ARHGAP6: variants seen among roughly 807,000 people sequenced by gnomAD.
ARHGAP6 encodes rho GTPase-activating protein 6.
ARHGAP6 carries 16 observed loss-of-function variants against 55.7 expected under a neutral mutation model. The observed-to-expected ratio is 0.29, with a 90% confidence interval of 0.19 to 0.44. ARHGAP6 has a LOEUF of 0.44. Among genes scored for constraint, ARHGAP6 ranks in the 20% least tolerant of loss-of-function variants. The pLI, the probability that ARHGAP6 is intolerant of heterozygous loss-of-function variation, is 1.00. For synonymous variants in ARHGAP6, 382 were observed against 360.9 expected (o/e 1.06, Z -0.66); for missense variants, 698 against 808.9 (o/e 0.86, Z 1.66).
intron 1 of ARHGAP6, among the ~76,000 whole-genome samples, chrX:11,490,968 G>A (rs753774466): frequency 8.9e-6 from 1 of 112,093 alleles, no homozygotes; most frequent in Non-Finnish European, 1.9e-5. Context: ...AATGGTGAAG[G>A]GTGAGAATGA....
intron 1 of ARHGAP6, chrX:11,367,867 G>C (rs935571450): frequency 2.2e-4 from 146 of 672,926 alleles, no homozygotes; most frequent in Non-Finnish European, 2.5e-4. Context: ...GAGTCAGTTG[G>C]CAAAGCAACA....
chrX:11,365,523 C>A (rs1279220735), intron 1 of ARHGAP6, among the ~76,000 whole-genome samples: 1 of 112,271 alleles, frequency 8.9e-6, no homozygotes, highest in African/African-American at 3.2e-5. Context: ...CAAAATATAT[C>A]TTGATTAATG....
At chrX:11,304,175 C>T (rs1295389576) in intron 1 of ARHGAP6, among the ~76,000 whole-genome samples, 5 of 110,177 alleles carry the variant, frequency 4.5e-5, no homozygotes, top group Non-Finnish European at 7.6e-5. Flanking sequence ...CTGCAACTTC[C>T]GCCTCCTGGG....
At chrX:11,565,491 C>A (rs941895405) in intron 1 of ARHGAP6, among the ~76,000 whole-genome samples, 13 of 112,271 alleles carry the variant, frequency 1.2e-4, no homozygotes, top group Non-Finnish European at 1.9e-4. Flanking sequence ...TGAGCTCACA[C>A]AAATGAGATA....
At chrX:11,264,440 G>C (rs970520986) in intron 1 of ARHGAP6, among the ~76,000 whole-genome samples, 2 of 111,650 alleles carry the variant, frequency 1.8e-5, no homozygotes, top group African/African-American at 3.3e-5. Flanking sequence ...CCTTTCCAGT[G>C]GTTAGCATAG....
chrX:11,182,143 C>T (rs191945019), intron 5 of ARHGAP6, 25 bp from the exon 6 acceptor site: 1 of 1,175,762 alleles, frequency 8.5e-7, no homozygotes, highest in Admixed American at 2.2e-5. Flanking sequence ...ACAAAATGAA[C>T]AGTCTTGTTT....
At chrX:11,453,248 TAATA>T (rs1157372049) in intron 1 of ARHGAP6, among the ~76,000 whole-genome samples, 1 of 100,230 alleles carries the variant, frequency 1.0e-5, no homozygotes, top group African/African-American at 3.6e-5. Flanking sequence ...TATATATACA[TAATA>T]TATATATAGT....
In ARHGAP6 at chrX:11,179,438, A is replaced by G; in HGVS notation, c.1344T>C (p.Phe448=). 2 of 1,208,841 alleles carry G rather than the reference A, an allele frequency of 1.7e-6. No homozygotes were observed. Among genetic ancestry groups the G allele is most frequent in the Non-Finnish European group, 2.2e-6 (2 of 894,426 alleles). ...CCAGAGAGACATCAATCCCACGGTC[A>G]AATTCCTCACGTAACTGGAAGAACA... ...KKRVRQLREE[F]DRGIDVSLEE... is the part of the protein sequence containing the mutation. Residue 448 remains phenylalanine, a synonymous_variant, in exon 7 of 13, where the codon TTT becomes TTC. Coordinates refer to ENST00000337414, the MANE Select transcript of ARHGAP6 (RefSeq NM_013427.3).
intron 1 of ARHGAP6, among the ~76,000 whole-genome samples, chrX:11,518,473 T>C (rs1274303480): frequency 2.0e-5 from 2 of 101,511 alleles, no homozygotes; most frequent in Non-Finnish European, 4.0e-5. Flanking sequence ...TTTTTTTTTT[T>C]TTTTTTTGAC....
intron 1 of ARHGAP6, among the ~76,000 whole-genome samples, chrX:11,547,997 C>T (rs976619833): frequency 9.0e-5 from 10 of 110,764 alleles, no homozygotes; most frequent in Non-Finnish European, 1.7e-4. Context: ...CTGGTTCCCA[C>T]TCTGGGCTGC....
intron 1 of ARHGAP6, among the ~76,000 whole-genome samples, chrX:11,622,971 T>G (rs1035985729): frequency 1.8e-5 from 2 of 112,055 alleles, no homozygotes; most frequent in Non-Finnish European, 3.8e-5. Context: ...CTTTACCATT[T>G]GCTGATAAAA....
In ARHGAP6 at chrX:11,554,501, A is replaced by G. The variant is rs148758197; in HGVS notation, c.588+109740T>C. On this transcript the variant is annotated intron_variant, in intron 1 of 12. Coordinates refer to ENST00000337414, the MANE Select transcript of ARHGAP6 (RefSeq NM_013427.3). ...ATGCTCGAGGTGATGGATACCCTAA[A>G]TACCCTGACTAAATCATTGCTCACT... 8.1e-4 allele frequency among the ~76,000 whole-genome samples: 91 copies of G among 112,197 alleles called. No individual in the cohort carries two copies. In the East Asian group the frequency reaches 0.019, roughly 23 times the overall value.
chrX:11,531,220 T>C (rs1424547700), intron 1 of ARHGAP6, among the ~76,000 whole-genome samples: 2 of 111,601 alleles, frequency 1.8e-5, no homozygotes, highest in African/African-American at 6.5e-5. Context: ...GGTACAGAAT[T>C]GCTAAGATCT....
intron 1 of ARHGAP6, among the ~76,000 whole-genome samples, chrX:11,258,817 T>C (rs1176052921): frequency 8.9e-6 from 1 of 111,788 alleles, no homozygotes; most frequent in Non-Finnish European, 1.9e-5. Flanking sequence ...AGACAATATC[T>C]GTATTTTTTG....
chrX:11,643,655 T>C (rs192972900), intron 1 of ARHGAP6, among the ~76,000 whole-genome samples: 71 of 111,837 alleles, frequency 6.3e-4, no homozygotes, highest in African/African-American at 2.2e-3. Flanking sequence ...ATCAATCCCT[T>C]ACATTGTGGA....
intron 2 of ARHGAP6, among the ~76,000 whole-genome samples, chrX:11,253,741 C>T (rs1333650396): frequency 9.0e-6 from 1 of 110,774 alleles, no homozygotes; most frequent in African/African-American, 3.3e-5. Context: ...CTTGTCTCTA[C>T]TATAAACACA....
intron 1 of ARHGAP6, among the ~76,000 whole-genome samples, chrX:11,286,274 T>G (rs776500067): frequency 8.9e-6 from 1 of 112,005 alleles, no homozygotes; most frequent in Non-Finnish European, 1.9e-5. Context: ...AGTGGTGATT[T>G]GTGAGATTTT....
chrX:11,378,456 T>A (rs1365667339), intron 1 of ARHGAP6, among the ~76,000 whole-genome samples: 1 of 112,248 alleles, frequency 8.9e-6, no homozygotes, highest in Non-Finnish European at 1.9e-5. Flanking sequence ...AACTGGAATA[T>A]TTTTTCTTTC....
intron 1 of ARHGAP6, among the ~76,000 whole-genome samples, chrX:11,539,941 GAAACAAAACA>G (rs1169394721): frequency 3.6e-5 from 4 of 111,201 alleles, no homozygotes; most frequent in South Asian, 3.8e-4. Flanking sequence ...GACAAAAAGT[GAAACAAAACA>G]AAACAAAACA....
Sources: gnomAD v4.1 joint callset for allele counts (sites outside exome capture counted in the v4.1 genomes callset) on GRCh38, gnomAD v4.1.1 for gene constraint, MANE v1.5 for transcripts, NCBI Gene and HGNC (gene_info 2026-07-23, HGNC 2026-07-21) for gene names.